The following PLXDC1 variants were observed in gnomAD, a reference collection of about 807,000 sequenced individuals.
PLXDC1 encodes plexin domain-containing protein 1.
Under a neutral mutation model 61.3 loss-of-function variants are expected in PLXDC1, and 39 were observed. The ratio of observed to expected loss-of-function variants is 0.64; its 90% confidence interval spans 0.49 to 0.83. PLXDC1 has a LOEUF of 0.83. Among genes scored for constraint, PLXDC1 ranks in the 40% least tolerant of loss-of-function variants. The pLI is 0.00. For missense variants in PLXDC1, 596 were observed against 666.5 expected, an observed-to-expected ratio of 0.89 and a Z score of 1.17; for synonymous variants, 212 against 254.5, an observed-to-expected ratio of 0.83 and a Z score of 1.59.
chr17:39,132,315 T>C (rs978516294), intron 2 of PLXDC1, among the ~76,000 whole-genome samples: 4 of 151,876 alleles, frequency 2.6e-5, no homozygotes, highest in Admixed American at 2.6e-4. Flanking sequence ...CATCCCAGGA[T>C]CTCTGACTCA....
At position 39,117,564 on chromosome 17, in the gene PLXDC1, C is replaced by A. The variant is rs555678102; in HGVS notation, c.256-8173G>T. Among the ~76,000 whole-genome samples, 126 of 133,038 alleles carry A rather than the reference C, an allele frequency of 9.5e-4. 1 individual carries two copies. Among genetic ancestry groups the A allele is most frequent in the African/African-American group, 3.2e-3 (105 of 33,312 alleles). The allele number at this position is 133,038 out of a possible 152,430, so 87.3% of individuals were successfully genotyped here. On this transcript the variant is annotated intron_variant, in intron 2 of 13. Transcript: ENST00000315392. Reference sequence around the variant, plus strand: ...TGGGCAACATAGTGAGACCCTCCCCCCAAGTCTACAAAAAAAAAAATGCAA... The same window carrying A: ...TGGGCAACATAGTGAGACCCTCCCCACAAGTCTACAAAAAAAAAAATGCAA...
chr17:39,134,897 C>A (rs1911692796), intron 2 of PLXDC1, among the ~76,000 whole-genome samples: 1 of 152,062 alleles, frequency 6.6e-6, no homozygotes, highest in South Asian at 2.1e-4. Context: ...CAGCCCCAGT[C>A]CCCAGGTTTC....
At position 39,107,457 on chromosome 17, in the gene PLXDC1, A is replaced by G. The variant is rs1055196517; in HGVS notation, c.661T>C (p.Phe221Leu). 3.1e-6 allele frequency: 5 copies of G among 1,614,044 alleles called. No homozygotes were observed. The highest frequency in any genetic ancestry group is 1.6e-4 in the Middle Eastern group (1 of 6,084). The change falls in exon 6 of 14, where the codon TTC (phenylalanine) becomes CTC (leucine). Residue 221 changes from phenylalanine (F) to leucine (L), a missense_variant. By Grantham distance (22) the Phe-to-Leu change is conservative. Transcript: ENST00000315392. ...CCGTCATGGTGCAGAGCTGCCTGGA[A>G]GGTGAAACTGCCCTTGTCTTCCCAG... is the stretch of plus-strand genomic sequence containing the variant. ...QGWEDKGSFT[F>L]QAALHHDGRI...
chr17:39,081,015 C>T (rs1371613486), intron 9 of PLXDC1: 1 of 152,884 alleles, frequency 6.5e-6, no homozygotes, highest in Non-Finnish European at 1.5e-5. Context: ...CAGCCAGCCC[C>T]AGGATCCCAG....
chr17:39,104,490 A>T (rs1053188945), intron 7 of PLXDC1, among the ~76,000 whole-genome samples: 1 of 152,180 alleles, frequency 6.6e-6, no homozygotes, highest in African/African-American at 2.4e-5. Flanking sequence ...TCTGTTAAAG[A>T]CAGAGGTTTG....
At chr17:39,092,515 C>T (rs2018245956) in intron 7 of PLXDC1, among the ~76,000 whole-genome samples, 1 of 152,256 alleles carries the variant, frequency 6.6e-6, no homozygotes, top group South Asian at 2.1e-4. Context: ...CTGCTCTGTG[C>T]AGGGGCTGTG....
At chr17:39,139,154 A>T (rs948915133) in intron 2 of PLXDC1, among the ~76,000 whole-genome samples, 8 of 152,268 alleles carry the variant, frequency 5.3e-5, no homozygotes, top group Admixed American at 1.3e-4. Flanking sequence ...GCCCCAGGCC[A>T]AGGAGGTTGT....
chr17:39,134,455 G>A (rs112135922), intron 2 of PLXDC1, among the ~76,000 whole-genome samples: 2,014 of 149,660 alleles, frequency 0.013, 24 homozygotes, highest in East Asian at 0.038. Context: ...GTGAAAGCCC[G>A]TCTCTACTGA....
At chr17:39,096,820 G>A in intron 7 of PLXDC1, 3 of 439,482 alleles carry the variant, frequency 6.8e-6, no homozygotes, top group Non-Finnish European at 1.4e-5. Context: ...TTAAGCAAAT[G>A]AACAGAGGAA....
rs147959612 is a variant in PLXDC1, at chr17:39,097,714, T to TAATAAATA, written c.811+8132_811+8139dup. Among the ~76,000 whole-genome samples, 498 of 145,956 alleles carry TAATAAATA rather than the reference T, an allele frequency of 3.4e-3. 3 individuals carry two copies. The highest frequency in any genetic ancestry group is 0.024 in the East Asian group (119 of 4,978). On this transcript the variant is annotated intron_variant, in intron 7 of 13. Transcript: ENST00000315392. ...CTATTTTATTATTTGTCTTTACAAATAATAAATAAATAAATAAATAAATAA... is the reference window on the plus strand; with the variant it reads ...CTATTTTATTATTTGTCTTTACAAATAATAAATAAATAAATAAATAAATAAATAAATAA...
rs11448360 is a variant in PLXDC1 at position 39,112,457 on chromosome 17, C to CTTT, written c.256-3069_256-3067dup. Among the ~76,000 whole-genome samples the CTTT allele has an allele frequency of 3.5e-3, 422 of 121,070 alleles. 9 individuals are homozygous for CTTT. The East Asian group carries it at 0.038, about 11-fold the overall frequency. 79.4% of individuals were successfully genotyped at this position (121,070 alleles called of 152,430 possible). A position where few individuals can be genotyped will look rare whatever the true frequency, so the allele number is the denominator to read the frequency against. Reference sequence around the variant, plus strand: ...ATTCAGCCCATCTTTTTTTTTCTTTCTTTTTTTTTTTTTTTTTTGAGACGG... The same window carrying CTTT: ...ATTCAGCCCATCTTTTTTTTTCTTTCTTTTTTTTTTTTTTTTTTTTTGAGACGG... On this transcript the variant is annotated intron_variant, in intron 2 of 13. Coordinates refer to ENST00000315392, the MANE Select transcript of PLXDC1 (RefSeq NM_020405.5).
At position 39,067,291 on chromosome 17, in the gene PLXDC1, C is replaced by T. The variant is rs141534103; in HGVS notation, c.*549G>A. On this transcript the variant is annotated 3_prime_UTR_variant, in exon 14 of 14. Transcript: ENST00000315392. ...CTGACAACCGCAGACATCTGGACAC[C>T]AGCAAGGGTCCAGGGGAGGTTTGCA... 4.6e-5 allele frequency: 7 copies of T among 152,496 alleles called. No homozygotes were observed. The highest frequency in any genetic ancestry group is 1.0e-4 in the Non-Finnish European group (7 of 68,178). The allele number at this position is 152,496 out of a possible 1,614,324, so 9.4% of individuals were successfully genotyped here. A position where few individuals can be genotyped will look rare whatever the true frequency, so the allele number is the denominator to read the frequency against.
chr17:39,083,712 C>CTTTTTTTTTTTTTT (rs146279249), intron 8 of PLXDC1, among the ~76,000 whole-genome samples, 172 bp from the exon 9 acceptor site: 63 of 152,102 alleles, frequency 4.1e-4, no homozygotes, highest in African/African-American at 1.5e-3. Flanking sequence ...TTCCTAACTT[C>CTTTTTTTTTTTTTT]TTTTTTTAAG....
chr17:39,097,902 T>TAAAAA (rs71141758), intron 7 of PLXDC1, among the ~76,000 whole-genome samples: 14 of 102,710 alleles, frequency 1.4e-4, no homozygotes, highest in African/African-American at 5.2e-4. Flanking sequence ...ACCCTGTCTA[T>TAAAAA]AAAAAAAAAA....
At chr17:39,072,309 G>A in intron 12 of PLXDC1, 141 bp downstream of exon 12, 4 of 682,684 alleles carry the variant, frequency 5.9e-6, no homozygotes, top group Non-Finnish European at 1.1e-5. Context: ...TCCCCACCCA[G>A]CAGGAGGTCT....
Position 39,121,989 on chromosome 17 carries a change from C to T in PLXDC1, c.256-12598G>A, listed in dbSNP as rs553603862. Among the ~76,000 whole-genome samples the T allele has an allele frequency of 3.4e-5, 5 of 148,444 alleles. No homozygotes were observed. The South Asian group carries it at 1.1e-3, about 32-fold the overall frequency. Reference sequence around the variant, plus strand: ...GTGGGCGCCTGTAATCCCAGCTGCTCGGGAGGTTGACACAGGAGAATCACT... The same window carrying T: ...GTGGGCGCCTGTAATCCCAGCTGCTTGGGAGGTTGACACAGGAGAATCACT... On this transcript the variant is annotated intron_variant, in intron 2 of 13. Transcript: ENST00000315392.
In PLXDC1 at chr17:39,108,253, G is replaced by A; in HGVS notation, c.470-8C>T. On this transcript the variant is annotated splice_region_variant and splice_polypyrimidine_tract_variant and intron_variant, in intron 4 of 13. Transcript: ENST00000315392. ...CCCCCATGAAGATGAAGCCTAGGGT[G>A]GGAGAGGTGCAGAGGAGTCACCAGA... The A allele has an allele frequency of 1.2e-6, 2 of 1,613,628 alleles. No individual in the cohort carries two copies. Among genetic ancestry groups the A allele is most frequent in the Non-Finnish European group, 1.7e-6 (2 of 1,179,958 alleles).
At chr17:39,072,623 G>GA in intron 11 of PLXDC1, 138 bp from the exon 12 acceptor site, 1 of 691,040 alleles carries the variant, frequency 1.4e-6, no homozygotes, top group South Asian at 1.6e-5. Context: ...GAGGGGAGGA[G>GA]ACTTGCTCAA....
chr17:39,091,195 G>A (rs536110876), intron 7 of PLXDC1, among the ~76,000 whole-genome samples: 2 of 152,308 alleles, frequency 1.3e-5, no homozygotes, highest in African/African-American at 2.4e-5. Context: ...GGGAGCAGTG[G>A]GGGACGGCAG....
Sources: gnomAD v4.1 joint callset for allele counts (sites outside exome capture counted in the v4.1 genomes callset) on GRCh38, gnomAD v4.1.1 for gene constraint, MANE v1.5 for transcripts, NCBI Gene and HGNC (gene_info 2026-07-23, HGNC 2026-07-21) for gene names.